Variants in ZNF618 observed in about 807,000 individuals in gnomAD.
ZNF618 encodes the protein neural precursor cell expressed, developmentally down-regulated 10.
A neutral mutation model predicts 103.0 loss-of-function variants in ZNF618; 34 were observed. That is an observed-to-expected ratio of 0.33 (90% confidence interval 0.25 to 0.44). The LOEUF (loss-of-function observed/expected upper bound fraction) is 0.44. Among genes scored for constraint, ZNF618 ranks in the 20% least tolerant of loss-of-function variants. ZNF618 has a pLI of 1.00. For missense variants in ZNF618, 1,059 were observed against 1,295.4 expected, an observed-to-expected ratio of 0.82 and a Z score of 2.80; for synonymous variants, 551 against 542.2, an observed-to-expected ratio of 1.02 and a Z score of -0.23.
chr9:114,017,214 G>A (rs1366972538), intron 10 of ZNF618, among the ~76,000 whole-genome samples: 1 of 152,206 alleles, frequency 6.6e-6, no homozygotes, highest in African/African-American at 2.4e-5. Flanking sequence ...TAACTGGACA[G>A]GAAAGCTCCC....
At chr9:113,883,316 G>A (rs1373427565) in intron 1 of ZNF618, among the ~76,000 whole-genome samples, 2 of 152,172 alleles carry the variant, frequency 1.3e-5, no homozygotes, top group African/African-American at 4.8e-5. Context: ...TAAAATGTTC[G>A]TCTGATGACT....
intron 3 of ZNF618, among the ~76,000 whole-genome samples, chr9:113,995,260 T>C (rs62555861): frequency 3.0e-4 from 46 of 151,766 alleles, no homozygotes; most frequent in Non-Finnish European, 6.2e-4. Context: ...AAAAAAAATT[T>C]CCTGGGATCA....
chr9:114,045,026 C>T (rs1027685960), intron 13 of ZNF618, among the ~76,000 whole-genome samples: 5 of 151,902 alleles, frequency 3.3e-5, no homozygotes, highest in South Asian at 2.1e-4. Context: ...CATCAGTGAA[C>T]AGCCTTTGCC....
Position 114,049,983 on chromosome 9 carries a change from C to T in ZNF618, c.2681C>T (p.Ser894Leu), listed in dbSNP as rs1846003150. The T allele has an allele frequency of 6.2e-7, 1 of 1,613,966 alleles. No homozygotes were observed. The change falls in exon 15 of 15, where the codon TCG becomes TTG. Residue 894 changes from serine (S) to leucine (L), a missense_variant. Transcript: ENST00000374126. ...ACCCCTGATCTCTTCCAGTACTGGT[C>T]GTGCGTTACCCAAAAGCACACAAAA... The part of the protein sequence containing the change: ...QATPDLFQYW[S>L]CVTQKHTKLA...
chr9:114,004,705 G>A (rs1443862867), intron 6 of ZNF618, among the ~76,000 whole-genome samples: 2 of 152,266 alleles, frequency 1.3e-5, no homozygotes, highest in South Asian at 2.1e-4. Flanking sequence ...TGCTTAGAAC[G>A]CCTGGCCTCC....
chr9:113,956,544 A>G (rs1162625802), intron 1 of ZNF618, among the ~76,000 whole-genome samples: 1 of 152,212 alleles, frequency 6.6e-6, no homozygotes, highest in Non-Finnish European at 1.5e-5. Flanking sequence ...ATCTTGACGT[A>G]ACACATCCTT....
intron 2 of ZNF618, among the ~76,000 whole-genome samples, chr9:113,977,616 C>T (rs1168119026): frequency 6.6e-6 from 1 of 152,174 alleles, no homozygotes; most frequent in African/African-American, 2.4e-5. Context: ...AGAGAGGTGG[C>T]CCCTCAGAGA....
At chr9:113,904,182 CT>C (rs201899646) in intron 1 of ZNF618, among the ~76,000 whole-genome samples, 24 of 144,942 alleles carry the variant, frequency 1.7e-4, no homozygotes, top group East Asian at 1.0e-3. Flanking sequence ...CTAACCTCTT[CT>C]TTTTTTTTTT....
At chr9:113,953,145 A>G (rs1835928609) in intron 1 of ZNF618, among the ~76,000 whole-genome samples, 1 of 152,200 alleles carries the variant, frequency 6.6e-6, no homozygotes, top group Non-Finnish European at 1.5e-5. Flanking sequence ...GAAAGAGAAA[A>G]TCTCAGTACG....
chr9:113,918,118 C>T (rs1832293673), intron 1 of ZNF618, among the ~76,000 whole-genome samples: 1 of 152,148 alleles, frequency 6.6e-6, no homozygotes, highest in African/African-American at 2.4e-5. Context: ...AAAGAGTCCC[C>T]ACCGGTTGTT....
At position 114,050,356 on chromosome 9, in the gene ZNF618, G is replaced by T; in HGVS notation, c.*189G>T. On this transcript the variant is annotated 3_prime_UTR_variant, in exon 15 of 15. Transcript: ENST00000374126. ...TGTATGTACACAGCCACACGTGTGT[G>T]CACGTGTCTGAACACGTGCTGTGGT... is the stretch of plus-strand genomic sequence containing the variant. 1.5e-6 allele frequency: 1 copy of T among 652,300 alleles called. No individual in the cohort carries two copies. The highest frequency in any genetic ancestry group is 2.5e-6 in the Non-Finnish European group (1 of 403,548). 40.4% of individuals were successfully genotyped at this position (652,300 alleles called of 1,614,324 possible). A position where few individuals can be genotyped will look rare whatever the true frequency, so the allele number is the denominator to read the frequency against.
intron 1 of ZNF618, among the ~76,000 whole-genome samples, chr9:113,927,625 A>G (rs2900569): frequency 0.43 from 65,328 of 151,986 alleles, 14,889 homozygotes; most frequent in Non-Finnish European, 0.51. Flanking sequence ...GGAGTTGGAT[A>G]TTTTCCTTTC....
At chr9:113,894,109 T>C (rs1201062968) in intron 1 of ZNF618, among the ~76,000 whole-genome samples, 1 of 152,238 alleles carries the variant, frequency 6.6e-6, no homozygotes, top group African/African-American at 2.4e-5. Context: ...TAATAGTTTT[T>C]CAGTAAATTA....
chr9:113,970,413 G>T (rs2132827802), intron 2 of ZNF618, among the ~76,000 whole-genome samples: 1 of 152,230 alleles, frequency 6.6e-6, no homozygotes, highest in Middle Eastern at 3.4e-3. Flanking sequence ...ATTATACCAG[G>T]CCGGAGGTCT....
chr9:113,985,219 C>T (rs1208649583), intron 2 of ZNF618, among the ~76,000 whole-genome samples: 1 of 152,212 alleles, frequency 6.6e-6, no homozygotes, highest in Non-Finnish European at 1.5e-5. Context: ...GAACCTGCAA[C>T]TGGCAGTTTT....
chr9:113,989,081 A>G (rs1173337176), intron 3 of ZNF618, among the ~76,000 whole-genome samples: 2 of 151,834 alleles, frequency 1.3e-5, no homozygotes, highest in Non-Finnish European at 2.9e-5. Flanking sequence ...CTTAGCAACA[A>G]TTTCTCTCCC....
intron 13 of ZNF618, 119 bp from the exon 14 acceptor site, chr9:114,047,774 C>T: frequency 1.3e-6 from 1 of 771,868 alleles, no homozygotes; most frequent in Admixed American, 2.5e-5. Context: ...GGATTTTAAC[C>T]CAGGCCTGAG....
chr9:114,044,157 C>G (rs1845456058), intron 13 of ZNF618, among the ~76,000 whole-genome samples: 1 of 152,068 alleles, frequency 6.6e-6, no homozygotes, highest in Non-Finnish European at 1.5e-5. Flanking sequence ...ATGTTATCTT[C>G]TAGAATTTTT....
intron 2 of ZNF618, among the ~76,000 whole-genome samples, chr9:113,986,501 G>A (rs1211322685): frequency 1.3e-5 from 2 of 152,186 alleles, no homozygotes; most frequent in Non-Finnish European, 2.9e-5. Flanking sequence ...TTGCCAGCAC[G>A]GTTGGGTTCT....
Sources: gnomAD v4.1 joint callset for allele counts (sites outside exome capture counted in the v4.1 genomes callset) on GRCh38, gnomAD v4.1.1 for gene constraint, MANE v1.5 for transcripts, NCBI Gene and HGNC (gene_info 2026-07-23, HGNC 2026-07-21) for gene names.